The following PIP5K1C variants were observed in gnomAD, a reference collection of about 807,000 sequenced individuals.
PIP5K1C encodes the protein phosphatidylinositol-4-phosphate 5-kinase type 1 gamma.
Under a neutral mutation model 80.1 loss-of-function variants are expected in PIP5K1C, and 45 were observed. The ratio of observed to expected loss-of-function variants is 0.56; its 90% CI spans 0.44 to 0.72. PIP5K1C has a LOEUF of 0.72. PIP5K1C is among the 30% of genes least tolerant of loss of function. The probability of loss-of-function intolerance (pLI) is 0.00; values close to 1 mark genes in which losing one functional copy is unlikely to be tolerated. For missense variants in PIP5K1C, 753 were observed against 954.6 expected (o/e 0.79, Z 2.78); for synonymous variants, 498 against 420.1 (o/e 1.19, Z -2.27).
chr19:3,687,924 C>T (rs960050890), intron 1 of PIP5K1C, among the ~76,000 whole-genome samples: 5 of 152,210 alleles, frequency 3.3e-5, no homozygotes, highest in Non-Finnish European at 7.4e-5. Flanking sequence ...GGTGTTGGGT[C>T]GTTTCCCAGG....
In PIP5K1C at chr19:3,688,599, T is replaced by C. The variant is rs2035845324; in HGVS notation, c.94+11698A>G. On this transcript the variant is annotated intron_variant, in intron 1 of 17. Coordinates refer to ENST00000335312, the MANE Select transcript of PIP5K1C (RefSeq NM_012398.3). The surrounding 1 kb of genome is among the most constrained non-coding windows in gnomAD (Gnocchi z 5.3). Reference sequence around the variant, plus strand: ...GTGTTTTTTGCGGTTTTGCTGGTGATTCTGCTGCTGAAATTGCCCCCCCAG... The same window carrying C: ...GTGTTTTTTGCGGTTTTGCTGGTGACTCTGCTGCTGAAATTGCCCCCCCAG... Among the ~76,000 whole-genome samples the C allele has an allele frequency of 6.7e-6, 1 of 150,148 alleles. No individual in the cohort carries two copies. Among genetic ancestry groups the C allele is most frequent in the South Asian group, 2.1e-4 (1 of 4,806 alleles).
chr19:3,659,402 G>A (rs2034752935), intron 5 of PIP5K1C, among the ~76,000 whole-genome samples: 1 of 152,360 alleles, frequency 6.6e-6, no homozygotes, highest in Non-Finnish European at 1.5e-5. Flanking sequence ...GCCCTGGAAT[G>A]CGATCTTATC....
At position 3,648,262 on chromosome 19, in the gene PIP5K1C, A is replaced by G. The variant is rs904665574; in HGVS notation, c.1211+363T>C. Among the ~76,000 whole-genome samples, 2 of 152,068 alleles carry G rather than the reference A, an allele frequency of 1.3e-5. No individual in the cohort carries two copies. The highest frequency in any genetic ancestry group is 2.4e-5 in the African/African-American group (1 of 41,380). On this transcript the variant is annotated intron_variant, in intron 9 of 17. Transcript: ENST00000335312. The surrounding 1 kb of genome is among the most constrained non-coding windows in gnomAD (Gnocchi z 4.3). ...GGTCTCAAACTCCTGGGCTCAAGCA[A>G]TCCTCCCGCCTCGGCCTCCCACAGT...
At position 3,633,479 on chromosome 19, in the gene PIP5K1C, A is replaced by G. The variant is rs376673092; in HGVS notation, c.1962T>C (p.Tyr654=). The change falls in exon 17 of 18, where the codon TAT becomes TAC. Residue 654 remains tyrosine (Y), a synonymous_variant. Coordinates refer to ENST00000335312, the MANE Select transcript of PIP5K1C (RefSeq NM_012398.3). The part of the protein sequence containing the change: ...ERSWVYSPLH[Y]SAQAPPASDG... ...CGGAGGCCGGGGGGGCCTGGGCGCT[A>G]TAGTGGAGCGGGGAGTACACCCAGC... The G allele has an allele frequency of 2.6e-6, 4 of 1,513,256 alleles. No homozygotes were observed. In the African/African-American group the frequency reaches 5.6e-5, roughly 21 times the overall value. The allele number at this position is 1,513,256 out of a possible 1,614,324, so 93.7% of individuals were successfully genotyped here.
At chr19:3,647,093 CAGAG>C (rs1196236547) in intron 10 of PIP5K1C, among the ~76,000 whole-genome samples, 1 of 74,974 alleles carries the variant, frequency 1.3e-5, no homozygotes, top group Non-Finnish European at 2.4e-5. Flanking sequence ...CAGGCGCTCA[CAGAG>C]GGAGGAGGGA....
At position 3,632,577 on chromosome 19, in the gene PIP5K1C, G is replaced by A. The variant is rs1171015696; in HGVS notation, c.*590C>T. On this transcript the variant is annotated 3_prime_UTR_variant, in exon 18 of 18. Transcript: ENST00000335312. ...CTGAGTGGCCGCAGTGCTTGGCAGGGCGAGGGCTGTCCCCACAGTCGATGT... is the reference window on the plus strand; with the variant it reads ...CTGAGTGGCCGCAGTGCTTGGCAGGACGAGGGCTGTCCCCACAGTCGATGT... 6.6e-6 allele frequency: 1 copy of A among 152,478 alleles called. No homozygotes were observed. The highest frequency in any genetic ancestry group is 6.5e-5 in the Admixed American group (1 of 15,284). 9.4% of individuals were successfully genotyped at this position (152,478 alleles called of 1,614,324 possible). A position where few individuals can be genotyped will look rare whatever the true frequency, so the allele number is the denominator to read the frequency against.
chr19:3,667,812 G>A (rs1334797543), intron 1 of PIP5K1C, among the ~76,000 whole-genome samples: 2 of 152,238 alleles, frequency 1.3e-5, no homozygotes, highest in Non-Finnish European at 2.9e-5. Flanking sequence ...TTCCTCGGAG[G>A]CAGGCGCCAG....
At chr19:3,698,944 C>G (rs2036208819) in intron 1 of PIP5K1C, among the ~76,000 whole-genome samples, 2 of 148,396 alleles carry the variant, frequency 1.3e-5, no homozygotes, top group South Asian at 4.4e-4. Flanking sequence ...CCCACCCCCA[C>G]CCCCCCACTC....
At chr19:3,677,710 GGGATGGTGGGATGGAGGGATGGAA>G (rs1451867457) in intron 1 of PIP5K1C, among the ~76,000 whole-genome samples, 252 of 137,900 alleles carry the variant, frequency 1.8e-3, no homozygotes, top group Middle Eastern at 3.5e-3. Context: ...GCGGAATGGA[GGGATGGTGGGATGGAGGGATGGAA>G]GGATGGTGGG....
intron 8 of PIP5K1C, among the ~76,000 whole-genome samples, chr19:3,651,236 T>C (rs911233149): frequency 1.3e-5 from 2 of 151,546 alleles, no homozygotes; most frequent in African/African-American, 4.9e-5. Context: ...TTATATTTTT[T>C]GTAGAGATGG....
At chr19:3,657,840 T>TG (rs1351460748) in intron 5 of PIP5K1C, among the ~76,000 whole-genome samples, 1 of 149,620 alleles carries the variant, frequency 6.7e-6, no homozygotes, top group African/African-American at 2.5e-5. Context: ...GAGGCTGAGG[T>TG]GGGAGGATCA....
chr19:3,651,716 A>G lies in PIP5K1C; in HGVS notation c.1127+110T>C, dbSNP rs1244565448. ...CCCAGACTCTGTCTGTCACCCACGC[A>G]TGCCCTCGCCAGCCCTCCCTGCCTG... is the stretch of plus-strand genomic sequence containing the variant. On this transcript the variant is annotated intron_variant, in intron 8 of 17. Coordinates refer to ENST00000335312, the MANE Select transcript of PIP5K1C (RefSeq NM_012398.3). The G allele has an allele frequency of 5.4e-6, 6 of 1,104,392 alleles. No homozygotes were observed. The African/African-American group carries it at 7.7e-5, about 14-fold the overall frequency. The allele number at this position is 1,104,392 out of a possible 1,614,324, so 68.4% of individuals were successfully genotyped here.
chr19:3,681,130 T>C (rs1184560942), intron 1 of PIP5K1C, among the ~76,000 whole-genome samples: 4 of 152,052 alleles, frequency 2.6e-5, no homozygotes, highest in Admixed American at 2.6e-4. Context: ...TATGGAGGTA[T>C]GTGGGATGGG....
In PIP5K1C at chr19:3,637,380, A is replaced by G. The variant is rs140433533; in HGVS notation, c.1920+1504T>C. On this transcript the variant is annotated intron_variant, in intron 16 of 17. Coordinates refer to ENST00000335312, the MANE Select transcript of PIP5K1C (RefSeq NM_012398.3). The surrounding 1 kb of genome is among the most constrained non-coding windows in gnomAD (Gnocchi z 7.0). ...GCAGCCCAGCGCCTGGTCCGGGGCC[A>G]GCGTGGCTGACCTCAATTGCAGCCG... The G allele has an allele frequency of 1.2e-4, 183 of 1,535,500 alleles. No individual in the cohort carries two copies. The African/African-American group carries it at 2.2e-3, about 18-fold the overall frequency.
intron 8 of PIP5K1C, 117 bp downstream of exon 8, chr19:3,651,709 C>A: frequency 9.8e-7 from 1 of 1,022,258 alleles, no homozygotes; most frequent in Admixed American, 1.8e-5. Flanking sequence ...CTGTCTGTCA[C>A]CCACGCATGC....
At chr19:3,662,065 T>G in intron 3 of PIP5K1C, 64 bp from the exon 4 acceptor site, 1 of 1,520,336 alleles carries the variant, frequency 6.6e-7, no homozygotes. Flanking sequence ...ACCCCCTGTG[T>G]GCACCGGGGG....
rs1055197896 is a variant in PIP5K1C at position 3,637,688 on chromosome 19, G to A, written c.1920+1196C>T. The stretch of plus-strand genomic sequence containing the variant: ...AGCGGATGAGGCGGCCACCCCCGTG[G>A]TCGGGTGGGAGAGGCGGAGGGAGGT... On this transcript the variant is annotated intron_variant, in intron 16 of 17. Coordinates refer to ENST00000335312, the MANE Select transcript of PIP5K1C (RefSeq NM_012398.3). This position sits in a 1 kb window ranked among gnomAD's most constrained non-coding sequence, Gnocchi z 7.0. 4.0e-6 allele frequency: 6 copies of A among 1,508,280 alleles called. No individual in the cohort carries two copies. Among genetic ancestry groups the A allele is most frequent in the South Asian group, 3.8e-5 (3 of 79,330 alleles). The allele number at this position is 1,508,280 out of a possible 1,614,324, so 93.4% of individuals were successfully genotyped here.
intron 12 of PIP5K1C, 71 bp from the exon 13 acceptor site, chr19:3,643,452 G>C: frequency 6.3e-7 from 1 of 1,589,638 alleles, no homozygotes; most frequent in Non-Finnish European, 8.6e-7. Flanking sequence ...TTCTCCCTGA[G>C]GCTTGGCTCA....
intron 15 of PIP5K1C, 97 bp from the exon 16 acceptor site, chr19:3,639,113 C>A: frequency 1.4e-6 from 2 of 1,418,928 alleles, no homozygotes; most frequent in South Asian, 2.4e-5. Flanking sequence ...TTCATACGGT[C>A]ATCACGGAGA....
Sources: gnomAD v4.1 joint callset for allele counts (sites outside exome capture counted in the v4.1 genomes callset) on GRCh38, gnomAD v4.1.1 for gene constraint, Gnocchi (gnomAD v3.1) non-coding constraint, MANE v1.5 for transcripts, NCBI Gene and HGNC (gene_info 2026-07-23, HGNC 2026-07-21) for gene names.